Variants in KCNK17 observed in about 807,000 individuals in gnomAD.
The protein encoded by KCNK17 is potassium two pore domain channel subfamily K member 17.
KCNK17 carries 27 observed loss-of-function variants against 24.6 expected under a neutral mutation model. That is an observed-to-expected ratio of 1.10 (90% CI 0.81 to 1.51). KCNK17 has a LOEUF of 1.51. KCNK17 is among the 40% of genes most tolerant of loss of function. KCNK17 has a pLI of 0.00. For missense variants in KCNK17, 450 were observed against 436.6 expected, an observed-to-expected ratio of 1.03 and a Z score of -0.27; for synonymous variants, 181 against 189.8, an observed-to-expected ratio of 0.95 and a Z score of 0.38.
chr6:39,307,695 C>T (rs1762059487), intron 2 of KCNK17, among the ~76,000 whole-genome samples: 2 of 152,324 alleles, frequency 1.3e-5, no homozygotes, highest in South Asian at 4.1e-4. Flanking sequence ...CTGTTGAACG[C>T]TGGGTAGCCA....
In KCNK17 at chr6:39,299,309, A is replaced by G. The variant is rs1761901550; in HGVS notation, c.*118T>C. 1.3e-5 allele frequency: 10 copies of G among 740,902 alleles called. No individual in the cohort carries two copies. In the Admixed American group the frequency reaches 2.2e-4, roughly 16 times the overall value. 45.9% of individuals were successfully genotyped at this position (740,902 alleles called of 1,614,324 possible). On this transcript the variant is annotated 3_prime_UTR_variant, in exon 5 of 5. Transcript: ENST00000373231. ...CCCTATTGGGCAGAATTAATCATAT[A>G]GCTGCACCCAGCCTCTAGGGTGGAT...
At chr6:39,305,684 C>G (rs1256895501) in intron 2 of KCNK17, among the ~76,000 whole-genome samples, 1 of 152,212 alleles carries the variant, frequency 6.6e-6, no homozygotes, top group African/African-American at 2.4e-5. Flanking sequence ...GGTTATAACC[C>G]TTCTTCAGTC....
In KCNK17 at chr6:39,304,117, C is replaced by A. The variant is rs35752113; in HGVS notation, c.528G>T (p.Ala176=). The change falls in exon 4 of 5, where the codon GCG becomes GCT. Residue 176 remains alanine (A), a synonymous_variant. Coordinates refer to ENST00000373231, the MANE Select transcript of KCNK17 (RefSeq NM_031460.4). ...LGGTWQDPDK[A]RWLAGSGALL... ...GGGCGCCAGAGCCCGCCAGCCACCG[C>A]GCCTTGTCAGGATCCTGTGGGTGCA... The A allele has an allele frequency of 6.2e-7, 1 of 1,609,056 alleles. No individual in the cohort carries two copies. The highest frequency in any genetic ancestry group is 1.1e-5 in the South Asian group (1 of 91,014).
At chr6:39,300,376 G>C (rs1215046030) in intron 4 of KCNK17, 2 of 1,003,940 alleles carry the variant, frequency 2.0e-6, no homozygotes, top group Non-Finnish European at 3.1e-6. Context: ...CACCTACCTC[G>C]GCCTCCCAAA....
chr6:39,307,080 C>T (rs1475845751), intron 2 of KCNK17, among the ~76,000 whole-genome samples: 1 of 152,110 alleles, frequency 6.6e-6, no homozygotes, highest in Non-Finnish European at 1.5e-5. Flanking sequence ...TCCTTCCTTC[C>T]TTCCTTCTGT....
intron 2 of KCNK17, 128 bp downstream of exon 2, chr6:39,310,765 G>A: frequency 3.2e-6 from 2 of 622,088 alleles, no homozygotes; most frequent in Non-Finnish European, 2.8e-6. Context: ...TGTCCATGCT[G>A]CAGAGCTGAA....
chr6:39,304,653 A>G lies in KCNK17; in HGVS notation c.355T>C (p.Tyr119His), dbSNP rs1352020590. The change falls in exon 3 of 5, where the codon TAT becomes CAT. Residue 119 changes from tyrosine (Y) to histidine (H), a missense_variant and splice_region_variant. Tyr to His is a moderately conservative substitution (Grantham distance 83). Coordinates refer to ENST00000373231, the MANE Select transcript of KCNK17 (RefSeq NM_031460.4). ...ATCGTGTTGGGGCTCAGGTTGCCAT[A>G]GCCTGAGGTGAGAGGGGGCACTCAG... ...FSVSTITTIG[Y>H]GNLSPNTMAA... 1 of 1,608,776 alleles carries G rather than the reference A, an allele frequency of 6.2e-7. No individual in the cohort carries two copies. The highest frequency in any genetic ancestry group is 2.2e-5 in the East Asian group (1 of 44,688).
chr6:39,301,680 G>A (rs546053076), intron 4 of KCNK17, among the ~76,000 whole-genome samples: 211 of 152,336 alleles, frequency 1.4e-3, no homozygotes, highest in African/African-American at 4.8e-3. Flanking sequence ...CTGGCAAGGC[G>A]CTCAACTGAG....
rs1327983221 is a variant in KCNK17 at position 39,299,444 on chromosome 6, A to G, written c.982T>C (p.Cys328Arg). Residue 328 changes from cysteine (C) to arginine (R), a missense_variant, in exon 5 of 5, where the codon TGT becomes CGT. Physicochemically the swap from Cys to Arg is radical, Grantham distance 180. Coordinates refer to ENST00000373231, the MANE Select transcript of KCNK17 (RefSeq NM_031460.4). ...HLEPSAHAAG[C>R]GKDS The stretch of plus-strand genomic sequence containing the variant: ...GAGTATAACTAGCTGTCCTTGCCAC[A>G]GCCTGCAGCGTGAGCAGAAGGTTCC... 37 of 1,613,076 alleles carry G rather than the reference A, an allele frequency of 2.3e-5. No individual in the cohort carries two copies. The highest frequency in any genetic ancestry group is 4.0e-5 in the African/African-American group (3 of 74,910).
chr6:39,304,175 C>G (rs1406616037), intron 3 of KCNK17, 44 bp from the exon 4 acceptor site: 1 of 1,578,648 alleles, frequency 6.3e-7, no homozygotes, highest in Admixed American at 1.7e-5. Flanking sequence ...GGCCTTCACC[C>G]CATGCGTGGG....
At position 39,303,989 on chromosome 6, in the gene KCNK17, A is replaced by C. The variant is rs201156436; in HGVS notation, c.656T>G (p.Leu219Arg). The C allele has an allele frequency of 1.9e-6, 3 of 1,613,666 alleles. No individual in the cohort carries two copies. Among genetic ancestry groups the C allele is most frequent in the East Asian group, 4.5e-5 (2 of 44,862 alleles). Residue 219 changes from leucine to arginine, a missense_variant, in exon 4 of 5, where the codon CTC becomes CGC. Leu to Arg is a moderately radical substitution (Grantham distance 102). Coordinates refer to ENST00000373231, the MANE Select transcript of KCNK17 (RefSeq NM_031460.4). ...GTAGTCGCCGAAGCCCACGGTGCTG[A>C]GGGTGATGAAGGCGAAGTAGAAGCC... ...TEGFYFAFIT[L>R]STVGFGDYVI... is the part of the protein sequence containing the mutation.
intron 4 of KCNK17, chr6:39,300,312 G>A (rs148011564): frequency 2.4e-5 from 16 of 669,434 alleles, no homozygotes; most frequent in South Asian, 6.3e-5. Flanking sequence ...TAGTAGAGAC[G>A]GGGTTTCACC....
intron 1 of KCNK17, among the ~76,000 whole-genome samples, chr6:39,313,536 C>T (rs1469952087): frequency 6.6e-6 from 1 of 152,236 alleles, no homozygotes; most frequent in East Asian, 1.9e-4. Flanking sequence ...CAGGCTCCTA[C>T]GGCCGCGCCC....
At chr6:39,303,899 G>A in intron 4 of KCNK17, 58 bp downstream of exon 4, 1 of 1,565,870 alleles carries the variant, frequency 6.4e-7, no homozygotes. Context: ...GGGAGCAGAT[G>A]AGTGAGAGGT....
intron 1 of KCNK17, among the ~76,000 whole-genome samples, chr6:39,311,717 GGGTAGGAGCA>G (rs1308158668): frequency 2.0e-5 from 3 of 152,308 alleles, no homozygotes; most frequent in Admixed American, 2.0e-4. Context: ...ATTCTCATTT[GGGTAGGAGCA>G]GAGGCCTCAT....
intron 4 of KCNK17, chr6:39,300,277 C>A: frequency 1.7e-6 from 1 of 576,452 alleles, no homozygotes; most frequent in South Asian, 1.9e-5. Context: ...CGCCTGCCGC[C>A]ACGCCCGGCT....
rs908806241 is a variant in KCNK17 at position 39,304,549 on chromosome 6, A to T, written c.459T>A (p.His153Gln). The stretch of plus-strand genomic sequence containing the variant: ...AGTGGTTTACTCCCTGCTGCATGAG[A>T]TGCCCCAGTCGGTTGAGCACCACGA... ...LNLVVLNRLG[H>Q]LMQQGVNHWA... The change falls in exon 3 of 5, where the codon CAT (histidine) becomes CAA (glutamine). Residue 153 changes from histidine (H) to glutamine (Q), a missense_variant. Coordinates refer to ENST00000373231, the MANE Select transcript of KCNK17 (RefSeq NM_031460.4). The T allele has an allele frequency of 6.2e-7, 1 of 1,614,038 alleles. No homozygotes were observed. The highest frequency in any genetic ancestry group is 8.5e-7 in the Non-Finnish European group (1 of 1,179,968).
chr6:39,306,924 C>A (rs575361139), intron 2 of KCNK17, among the ~76,000 whole-genome samples: 9 of 152,012 alleles, frequency 5.9e-5, no homozygotes, highest in Non-Finnish European at 1.3e-4. Flanking sequence ...GCCACCACAC[C>A]CAGCTAATTT....
At chr6:39,302,579 C>T (rs1318684779) in intron 4 of KCNK17, among the ~76,000 whole-genome samples, 7 of 152,064 alleles carry the variant, frequency 4.6e-5, no homozygotes, top group African/African-American at 1.7e-4. Flanking sequence ...TGTGCAGTGC[C>T]CAACCTGTGC....
Sources: gnomAD v4.1 joint callset for allele counts (sites outside exome capture counted in the v4.1 genomes callset) on GRCh38, gnomAD v4.1.1 for gene constraint, MANE v1.5 for transcripts, NCBI Gene and HGNC (gene_info 2026-07-23, HGNC 2026-07-21) for gene names.